The following CLC variants were observed in gnomAD, a reference collection of about 807,000 sequenced individuals.
CLC encodes Charcot-Leyden crystal galectin.
Under a neutral mutation model 13.9 loss-of-function variants are expected in CLC, and 15 were observed. The observed-to-expected ratio is 1.08, with a 90% confidence interval of 0.72 to 1.66. The LOEUF is 1.66. CLC is among the 40% of genes most tolerant of loss of function. CLC has a pLI of 0.00. For synonymous variants in CLC, 68 were observed against 59.9 expected (o/e 1.14, Z -0.63); for missense variants, 161 against 169.1 (o/e 0.95, Z 0.27).
intron 1 of CLC, 143 bp from the exon 2 acceptor site, chr19:39,735,216 C>T (rs1230460926): frequency 6.4e-6 from 4 of 625,616 alleles, no homozygotes; most frequent in Non-Finnish European, 8.6e-6. Context: ...GTCAGGACCC[C>T]GTATTTTTCA....
chr19:39,736,004 A>G (rs1967302946), intron 1 of CLC, among the ~76,000 whole-genome samples: 1 of 152,166 alleles, frequency 6.6e-6, no homozygotes, highest in South Asian at 2.1e-4. Context: ...ACTTGGCTAA[A>G]ATCTGGTGAG....
At chr19:39,737,778 G>A (rs1967335716) in intron 1 of CLC, among the ~76,000 whole-genome samples, 160 bp downstream of exon 1, 1 of 152,014 alleles carries the variant, frequency 6.6e-6, no homozygotes, top group African/African-American at 2.4e-5. Flanking sequence ...TACCCCAGGA[G>A]CATCTCAGAT....
At chr19:39,736,573 G>C (rs1198907819) in intron 1 of CLC, among the ~76,000 whole-genome samples, 1 of 152,144 alleles carries the variant, frequency 6.6e-6, no homozygotes, top group African/African-American at 2.4e-5. Flanking sequence ...TCAGGAGTTC[G>C]AGACCAGCCT....
At chr19:39,736,789 A>T (rs1967319966) in intron 1 of CLC, among the ~76,000 whole-genome samples, 1 of 149,342 alleles carries the variant, frequency 6.7e-6, no homozygotes, top group Admixed American at 6.6e-5. Context: ...AAAAAAAAAA[A>T]AAATTACTGC....
chr19:39,733,521 A>G (rs901217282), intron 3 of CLC, among the ~76,000 whole-genome samples: 2 of 152,230 alleles, frequency 1.3e-5, no homozygotes, highest in Admixed American at 1.3e-4. Flanking sequence ...TGAGAGCAAA[A>G]CATTGGAAAC....
In CLC at chr19:39,731,424, C is replaced by A. The variant is rs368189111; in HGVS notation, c.385G>T (p.Asp129Tyr). The part of the protein sequence containing the change: ...EAVKMVQVWR[D>Y]ISLTKFNVSY... ...ACATTAAATTTGGTCAGGGAGATAT[C>A]TCTCCACACTTGCACCATCTTCACA... The change falls in exon 4 of 4, where the codon GAT (aspartate) becomes TAT (tyrosine). Residue 129 changes from aspartate (D) to tyrosine (Y), a missense_variant. Physicochemically the swap from Asp to Tyr is radical, Grantham distance 160. Transcript: ENST00000221804. 5 of 1,613,422 alleles carry A rather than the reference C, an allele frequency of 3.1e-6. No homozygotes were observed. The African/African-American group carries it at 6.7e-5, about 22-fold the overall frequency.
intron 1 of CLC, among the ~76,000 whole-genome samples, chr19:39,737,476 C>T (rs925679475): frequency 7.2e-5 from 11 of 151,936 alleles, no homozygotes; most frequent in Non-Finnish European, 1.6e-4. Context: ...AGCACACACA[C>T]TCACAGTCAC....
intron 1 of CLC, 104 bp from the exon 2 acceptor site, chr19:39,735,177 T>C (rs910900060): frequency 8.9e-6 from 7 of 783,600 alleles, no homozygotes; most frequent in Admixed American, 2.0e-5. Flanking sequence ...AGCAGTAGAC[T>C]CAGGCCTCCC....
At chr19:39,734,136 T>C in intron 3 of CLC, 147 bp downstream of exon 3, 1 of 1,410,092 alleles carries the variant, frequency 7.1e-7, no homozygotes, top group African/African-American at 1.4e-5. Context: ...GGGGGAGTTA[T>C]GGGTGATGAA....
intron 3 of CLC, among the ~76,000 whole-genome samples, chr19:39,732,126 A>T (rs1212221577): frequency 7.0e-6 from 1 of 142,662 alleles, no homozygotes; most frequent in African/African-American, 2.7e-5. Context: ...ACATGTGCAC[A>T]TTGTGCAGGT....
intron 3 of CLC, chr19:39,733,996 TG>T (rs1357905319): frequency 1.0e-4 from 101 of 985,134 alleles, no homozygotes; most frequent in Non-Finnish European, 1.2e-4. Flanking sequence ...TGGTCAGGTA[TG>T]GGAAAAGAGC....
chr19:39,736,585 G>A (rs1967315848), intron 1 of CLC, among the ~76,000 whole-genome samples: 1 of 151,966 alleles, frequency 6.6e-6, no homozygotes, highest in Admixed American at 6.6e-5. Flanking sequence ...GACCAGCCTG[G>A]CCAACATGGA....
At chr19:39,733,991 A>G (rs553790437) in intron 3 of CLC, 2 of 985,254 alleles carry the variant, frequency 2.0e-6, no homozygotes, top group Non-Finnish European at 2.4e-6. Context: ...GACCCTGGTC[A>G]GGTATGGGAA....
chr19:39,736,187 A>T (rs1357977289), intron 1 of CLC, among the ~76,000 whole-genome samples: 1 of 137,308 alleles, frequency 7.3e-6, no homozygotes. Flanking sequence ...TATCATTTTA[A>T]CCACCAAAAA....
In CLC at chr19:39,737,954, G is replaced by T. The variant is rs967311248; in HGVS notation, c.-2C>A. ...TTAACTCACGGGTAGCAGGGACATT[G>T]TTGTCTCCTTCTGGGTGGCTCTTCT... On this transcript the variant is annotated 5_prime_UTR_variant, in exon 1 of 4. Transcript: ENST00000221804. 13 of 1,612,726 alleles carry T rather than the reference G, an allele frequency of 8.1e-6. No individual in the cohort carries two copies. In the Admixed American group the frequency reaches 1.7e-4, roughly 21 times the overall value.
intron 3 of CLC, chr19:39,733,923 A>C (rs140977574): frequency 2.0e-6 from 2 of 984,530 alleles, no homozygotes; most frequent in South Asian, 9.4e-5. Flanking sequence ...AAATAACATC[A>C]TAAGGGGAAG....
intron 3 of CLC, chr19:39,733,941 A>T: frequency 1.0e-6 from 1 of 984,908 alleles, no homozygotes; most frequent in Non-Finnish European, 1.2e-6. Context: ...AAGATAGAGG[A>T]TATTCTCCAT....
intron 3 of CLC, 76 bp downstream of exon 3, chr19:39,734,207 A>T: frequency 6.7e-7 from 1 of 1,493,208 alleles, no homozygotes; most frequent in African/African-American, 1.4e-5. Flanking sequence ...AGTTATCTGG[A>T]GTTAGGGCAT....
rs758717025 is a variant in CLC, at chr19:39,737,959, C to T, written c.-7G>A. ...TCACGGGTAGCAGGGACATTGTTGTCTCCTTCTGGGTGGCTCTTCTGAATT... is the reference window on the plus strand; with the variant it reads ...TCACGGGTAGCAGGGACATTGTTGTTTCCTTCTGGGTGGCTCTTCTGAATT... On this transcript the variant is annotated 5_prime_UTR_variant, in exon 1 of 4. Transcript: ENST00000221804. 2.2e-5 allele frequency: 35 copies of T among 1,612,666 alleles called. No homozygotes were observed. Among genetic ancestry groups the T allele is most frequent in the Non-Finnish European group, 2.9e-5 (34 of 1,179,128 alleles).
Sources: gnomAD v4.1 joint callset for allele counts (sites outside exome capture counted in the v4.1 genomes callset) on GRCh38, gnomAD v4.1.1 for gene constraint, MANE v1.5 for transcripts, NCBI Gene and HGNC (gene_info 2026-07-23, HGNC 2026-07-21) for gene names.